NUP153: variants seen among roughly 807,000 people sequenced by gnomAD.
The protein encoded by NUP153 is nucleoporin 153.
In NUP153, 27 loss-of-function variants were observed where a neutral mutation model predicts 134.6. That is an observed-to-expected ratio of 0.20 (90% CI 0.15 to 0.28). The LOEUF (loss-of-function observed/expected upper bound fraction) is 0.28, where lower values mean the gene tolerates loss of function less well. NUP153 is among the 10% of genes least tolerant of loss of function. The pLI, the probability that NUP153 is intolerant of heterozygous loss-of-function variation, is 1.00. For synonymous variants in NUP153, 640 were observed against 623.5 expected (o/e 1.03, Z -0.40); for missense variants, 1,821 against 1,731.3 (o/e 1.05, Z -0.92).
At chr6:17,699,481 C>CAAAAAAAAAAA (rs147055009) in intron 1 of NUP153, among the ~76,000 whole-genome samples, 1 of 97,562 alleles carries the variant, frequency 1.0e-5, no homozygotes, top group African/African-American at 4.2e-5. Context: ...AGACTCGTCT[C>CAAAAAAAAAAA]AAAAAAAAAA....
chr6:17,632,843 TC>T lies in NUP153; in HGVS notation c.2465del (p.Gly822GlufsTer22). On this transcript the variant is annotated frameshift_variant and splice_region_variant, in exon 17 of 22. Transcript: ENST00000262077. LOFTEE classifies it high-confidence loss of function. ...TGCTACTTGAAGCAGGTACTGAACT[TC>T]CTAAAAAAAAAAAAAAAAACGGGGA... The part of the protein sequence containing the change: ...KCVSCMSEKP[G>X]SSVPASSSST... 1.7e-6 allele frequency: 2 copies of T among 1,185,108 alleles called. No homozygotes were observed. Among genetic ancestry groups the T allele is most frequent in the African/African-American group, 1.8e-5 (1 of 56,912 alleles). The allele number at this position is 1,185,108 out of a possible 1,614,324, so 73.4% of individuals were successfully genotyped here.
intron 11 of NUP153, among the ~76,000 whole-genome samples, chr6:17,656,284 G>A (rs913086274): frequency 6.6e-6 from 1 of 152,148 alleles, no homozygotes; most frequent in Admixed American, 6.5e-5. Flanking sequence ...TCAGAAATGT[G>A]GACATTATAA....
intron 2 of NUP153, among the ~76,000 whole-genome samples, chr6:17,679,938 G>A (rs775203397): frequency 2.0e-4 from 30 of 152,088 alleles, no homozygotes; most frequent in Non-Finnish European, 3.7e-4. Context: ...TGTTGCCACC[G>A]GCCAGACCAC....
At chr6:17,699,606 G>A (rs1769916298) in intron 1 of NUP153, among the ~76,000 whole-genome samples, 1 of 152,176 alleles carries the variant, frequency 6.6e-6, no homozygotes, top group Admixed American at 6.5e-5. Context: ...GGAAGCCGAG[G>A]AGGGCAGATC....
At chr6:17,677,595 C>A (rs537113117) in intron 2 of NUP153, among the ~76,000 whole-genome samples, 1 of 152,150 alleles carries the variant, frequency 6.6e-6, no homozygotes, top group Non-Finnish European at 1.5e-5. Context: ...TTAAGAAGAA[C>A]TGATAGCATT....
intron 8 of NUP153, among the ~76,000 whole-genome samples, chr6:17,667,035 T>A (rs1183488197): frequency 1.3e-5 from 2 of 152,210 alleles, no homozygotes; most frequent in Non-Finnish European, 2.9e-5. Context: ...TTAGCACCCA[T>A]TAATAAACTT....
chr6:17,691,646 T>C (rs1424927298), intron 1 of NUP153, among the ~76,000 whole-genome samples: 1 of 151,998 alleles, frequency 6.6e-6, no homozygotes, highest in Non-Finnish European at 1.5e-5. Flanking sequence ...ATGCCTGTAA[T>C]CCCAGTTACT....
Position 17,637,534 on chromosome 6 carries a change from T to C in NUP153, c.2083A>G (p.Thr695Ala), listed in dbSNP as rs1035168830. 6.8e-6 allele frequency: 11 copies of C among 1,614,088 alleles called. No individual in the cohort carries two copies. Among genetic ancestry groups the C allele is most frequent in the African/African-American group, 1.3e-5 (1 of 74,928 alleles). ...KLSPRDTAKQTGIETPNKSGK... is the reference protein window; with the variant it reads ...KLSPRDTAKQAGIETPNKSGK... ...CTTTTATTTGGTGTTTCAATTCCAG[T>C]CTGTTTAGCAGTATCTCTGGGTGAC... The change falls in exon 16 of 22, where the codon ACT becomes GCT. Residue 695 changes from threonine to alanine, a missense_variant. Physicochemically the swap from Thr to Ala is moderately conservative, Grantham distance 58 (BLOSUM62 0). Coordinates refer to ENST00000262077, the MANE Select transcript of NUP153 (RefSeq NM_005124.4).
chr6:17,660,051 GA>G (rs1767092357), intron 11 of NUP153, among the ~76,000 whole-genome samples: 1 of 152,132 alleles, frequency 6.6e-6, no homozygotes, highest in Non-Finnish European at 1.5e-5. Context: ...TTATATGGCA[GA>G]AAGTGAAAAC....
chr6:17,623,357 C>CAAA (rs11326447), intron 20 of NUP153, among the ~76,000 whole-genome samples: 68 of 81,932 alleles, frequency 8.3e-4, no homozygotes, highest in South Asian at 6.5e-3. Flanking sequence ...GAAAAATGGC[C>CAAA]AAAAAAAAAA....
At chr6:17,654,839 T>C (rs1358996940) in intron 11 of NUP153, among the ~76,000 whole-genome samples, 1 of 152,036 alleles carries the variant, frequency 6.6e-6, no homozygotes, top group East Asian at 1.9e-4. Flanking sequence ...ATACTATTGT[T>C]ACATATGAAG....
intron 2 of NUP153, among the ~76,000 whole-genome samples, chr6:17,686,996 G>A (rs1768974853): frequency 6.6e-6 from 1 of 151,908 alleles, no homozygotes; most frequent in African/African-American, 2.4e-5. Context: ...ATACAAAAAA[G>A]CTTAAAGAAT....
At chr6:17,670,879 C>T (rs1418379384) in intron 5 of NUP153, among the ~76,000 whole-genome samples, 4 of 151,930 alleles carry the variant, frequency 2.6e-5, no homozygotes, top group African/African-American at 4.8e-5. Context: ...GGCACAATCT[C>T]GGCTCACTGC....
At chr6:17,684,478 A>C (rs1200348720) in intron 2 of NUP153, among the ~76,000 whole-genome samples, 1 of 152,238 alleles carries the variant, frequency 6.6e-6, no homozygotes, top group Non-Finnish European at 1.5e-5. Flanking sequence ...ACTTTGGCTT[A>C]AGGGAATTTT....
At chr6:17,678,741 C>A (rs1347346499) in intron 2 of NUP153, among the ~76,000 whole-genome samples, 1 of 152,016 alleles carries the variant, frequency 6.6e-6, no homozygotes, top group Non-Finnish European at 1.5e-5. Context: ...CCCAGGAGTT[C>A]GAGACCAGCC....
At chr6:17,681,379 G>A (rs879710923) in intron 2 of NUP153, among the ~76,000 whole-genome samples, 1 of 132,780 alleles carries the variant, frequency 7.5e-6, no homozygotes, top group Non-Finnish European at 1.6e-5. Context: ...GAGGTCAGGA[G>A]ATCGAGACCA....
rs2113767934 is a variant in NUP153, at chr6:17,625,725, G to A, written c.3901+83C>T. The A allele has an allele frequency of 1.9e-6, 2 of 1,050,988 alleles. No individual in the cohort carries two copies. The highest frequency in any genetic ancestry group is 2.9e-6 in the Non-Finnish European group (2 of 693,474). The allele number at this position is 1,050,988 out of a possible 1,614,324, so 65.1% of individuals were successfully genotyped here. On this transcript the variant is annotated intron_variant, in intron 19 of 21. Transcript: ENST00000262077. The surrounding 1 kb of genome is among the most constrained non-coding windows in gnomAD (Gnocchi z 4.7). ...CATTCCCACCATTTTGTGATAACCT[G>A]CTATATGATATTCGCTAAGAACTGA...
chr6:17,641,355 T>G (rs1765829746), intron 14 of NUP153, among the ~76,000 whole-genome samples: 2 of 151,478 alleles, frequency 1.3e-5, no homozygotes, highest in African/African-American at 4.9e-5. Flanking sequence ...GCCAACATAG[T>G]GAAACCCCAT....
rs1477474329 is a variant in NUP153, at chr6:17,629,087, T to C, written c.3112A>G (p.Thr1038Ala). The change falls in exon 18 of 22, where the codon ACC (threonine) becomes GCC (alanine). Residue 1038 changes from threonine (T) to alanine (A), a missense_variant. By Grantham distance (58) the Thr-to-Ala change is moderately conservative. Coordinates refer to ENST00000262077, the MANE Select transcript of NUP153 (RefSeq NM_005124.4). The stretch of plus-strand genomic sequence containing the variant: ...CTCTTGTTCTCAGAGGTCACTATGG[T>C]GTTAGCAGGAGCAGGGGTGGAGTTA... Reference protein sequence around the residue: ...VINSTPAPANTIVTSENKSSF... With the variant: ...VINSTPAPANAIVTSENKSSF... The C allele has an allele frequency of 6.2e-7, 1 of 1,614,202 alleles. No homozygotes were observed. Among genetic ancestry groups the C allele is most frequent in the East Asian group, 2.2e-5 (1 of 44,886 alleles).
Sources: gnomAD v4.1 joint callset for allele counts (sites outside exome capture counted in the v4.1 genomes callset) on GRCh38, gnomAD v4.1.1 for gene constraint, Gnocchi (gnomAD v3.1) non-coding constraint, MANE v1.5 for transcripts, NCBI Gene and HGNC (gene_info 2026-07-23, HGNC 2026-07-21) for gene names.